Variants in PCDH9 observed in about 807,000 individuals in gnomAD.
PCDH9 encodes the protein protocadherin 9, also known as protocadherin-9.
PCDH9 carries 24 observed loss-of-function variants against 70.6 expected under a neutral mutation model. That is an observed-to-expected ratio of 0.34 (90% CI 0.25 to 0.48). PCDH9 has a LOEUF of 0.48. PCDH9 is among the 20% of genes least tolerant of loss of function. The pLI, the probability that PCDH9 is intolerant of heterozygous loss-of-function variation, is 0.99. For missense variants in PCDH9, 1,281 were observed against 1,503.6 expected (o/e 0.85, Z 2.45); for synonymous variants, 562 against 558.5 (o/e 1.01, Z -0.09).
chr13:67,195,340 T>A (rs2089033447), intron 2 of PCDH9, among the ~76,000 whole-genome samples: 1 of 152,094 alleles, frequency 6.6e-6, no homozygotes, highest in Non-Finnish European at 1.5e-5. Context: ...AAACGGCGTT[T>A]CATCGTGTTA....
rs2079616859 is a variant in PCDH9, at chr13:66,760,896, C to T, written c.3139-129485G>A. Among the ~76,000 whole-genome samples the T allele has an allele frequency of 6.6e-5, 10 of 152,232 alleles. 1 individual carries two copies. In the South Asian group the frequency reaches 1.9e-3, roughly 28 times the overall value. On this transcript the variant is annotated intron_variant, in intron 3 of 4. Transcript: ENST00000377865. ...TGAAATATGCCCTGGTCTCCTTCAGCACCCCCAGGCTTGCTAGGATTGGAA... is the reference window on the plus strand; with the variant it reads ...TGAAATATGCCCTGGTCTCCTTCAGTACCCCCAGGCTTGCTAGGATTGGAA...
intron 2 of PCDH9, among the ~76,000 whole-genome samples, chr13:66,983,088 T>G (rs991512030): frequency 1.3e-5 from 2 of 152,048 alleles, no homozygotes; most frequent in African/African-American, 4.8e-5. Flanking sequence ...TAGTTAGGAA[T>G]CAAATAGAAG....
chr13:66,828,810 A>AAAAAAAAAAAAATAAT (rs71207607), intron 3 of PCDH9, among the ~76,000 whole-genome samples: 11 of 148,666 alleles, frequency 7.4e-5, no homozygotes, highest in African/African-American at 2.7e-4. Context: ...GCCATACATA[A>AAAAAAAAAAAAATAAT]AATAATAATA....
intron 4 of PCDH9, among the ~76,000 whole-genome samples, chr13:66,448,912 CA>C (rs2138422197): frequency 6.6e-6 from 1 of 152,218 alleles, no homozygotes; most frequent in African/African-American, 2.4e-5. Flanking sequence ...GGTGATCATG[CA>C]AACTTAGCCA....
chr13:66,900,359 T>C (rs1172538178), intron 3 of PCDH9, among the ~76,000 whole-genome samples: 1 of 151,826 alleles, frequency 6.6e-6, no homozygotes, highest in Non-Finnish European at 1.5e-5. Flanking sequence ...AATTCTAATA[T>C]TAAAAACCCC....
intron 3 of PCDH9, among the ~76,000 whole-genome samples, chr13:66,686,995 C>G (rs1243861084): frequency 6.6e-6 from 1 of 152,092 alleles, no homozygotes. Flanking sequence ...ATTGTGCCCC[C>G]CAAAAGACAT....
chr13:67,058,352 CCTTAT>C (rs1036605943), intron 2 of PCDH9, among the ~76,000 whole-genome samples: 7 of 152,198 alleles, frequency 4.6e-5, no homozygotes, highest in Middle Eastern at 3.4e-3. Flanking sequence ...ATTGAACACT[CCTTAT>C]CTTATTATAG....
chr13:66,535,089 A>G (rs866734364), intron 4 of PCDH9, among the ~76,000 whole-genome samples: 7 of 152,116 alleles, frequency 4.6e-5, no homozygotes, highest in Admixed American at 2.0e-4. Flanking sequence ...ATAGAAATCA[A>G]GTCAGTGAAC....
At chr13:66,505,881 A>G (rs1432627829) in intron 4 of PCDH9, among the ~76,000 whole-genome samples, 2 of 152,072 alleles carry the variant, frequency 1.3e-5, no homozygotes, top group Non-Finnish European at 2.9e-5. Context: ...TCCTGGGCTC[A>G]AGCAATCCTC....
At chr13:66,415,915 T>TA (rs911066708) in intron 4 of PCDH9, among the ~76,000 whole-genome samples, 7 of 151,858 alleles carry the variant, frequency 4.6e-5, no homozygotes, top group African/African-American at 9.7e-5. Flanking sequence ...TTTTTAAAAA[T>TA]AAAAAAAAGG....
chr13:66,746,198 T>C (rs2079360142), intron 3 of PCDH9, among the ~76,000 whole-genome samples: 1 of 152,186 alleles, frequency 6.6e-6, no homozygotes, highest in South Asian at 2.1e-4. Flanking sequence ...TTTCAGTGCC[T>C]TTTACTTACA....
chr13:66,884,487 T>C (rs2081974113), intron 3 of PCDH9, among the ~76,000 whole-genome samples: 1 of 152,182 alleles, frequency 6.6e-6, no homozygotes, highest in Non-Finnish European at 1.5e-5. Context: ...TGATTTTCTG[T>C]AGACGTATGT....
At chr13:66,533,520 C>T (rs766954278) in intron 4 of PCDH9, among the ~76,000 whole-genome samples, 2 of 151,986 alleles carry the variant, frequency 1.3e-5, no homozygotes, top group Non-Finnish European at 2.9e-5. Context: ...AAATAAAAAT[C>T]ATTGTTCCCT....
At chr13:66,424,367 G>C (rs1413534597) in intron 4 of PCDH9, among the ~76,000 whole-genome samples, 1 of 151,862 alleles carries the variant, frequency 6.6e-6, no homozygotes, top group Non-Finnish European at 1.5e-5. Flanking sequence ...AATTGAGCAA[G>C]CCTACAGGAT....
chr13:67,023,046 C>T (rs896483515), intron 2 of PCDH9, among the ~76,000 whole-genome samples: 4 of 152,212 alleles, frequency 2.6e-5, no homozygotes, highest in Non-Finnish European at 5.9e-5. Flanking sequence ...GCAGTTTTCT[C>T]TTTCAGCTCT....
intron 3 of PCDH9, among the ~76,000 whole-genome samples, chr13:66,781,608 C>T (rs999414082): frequency 6.6e-6 from 1 of 152,130 alleles, no homozygotes; most frequent in African/African-American, 2.4e-5. Context: ...ACACATTAGG[C>T]TTATATGATC....
At chr13:67,006,356 C>T (rs1473995742) in intron 2 of PCDH9, among the ~76,000 whole-genome samples, 2 of 152,028 alleles carry the variant, frequency 1.3e-5, no homozygotes, top group East Asian at 3.9e-4. Flanking sequence ...AATACAAAAC[C>T]GGAATAGAAA....
In PCDH9 at chr13:67,227,088, C is replaced by T. The variant is rs762413710; in HGVS notation, c.1353G>A (p.Gln451=). 1.9e-6 allele frequency: 3 copies of T among 1,614,020 alleles called. No individual in the cohort carries two copies. The highest frequency in any genetic ancestry group is 3.3e-5 in the Admixed American group (2 of 60,006). The change falls in exon 2 of 5, where the codon CAG becomes CAA. Residue 451 remains glutamine, a synonymous_variant. Transcript: ENST00000377865. This position sits in a 1 kb window ranked among gnomAD's most constrained non-coding sequence, Gnocchi z 4.6. ...CAAGCTTAACCCTTACCAGGGCAGT[C>T]TGATTTAAACTGGGCTTCCCAGAAT... ...ASDSGKPSLN[Q]TALVRVKLED... is the part of the protein sequence containing the mutation.
At chr13:66,810,838 CAT>C (rs1054382990) in intron 3 of PCDH9, among the ~76,000 whole-genome samples, 4 of 151,396 alleles carry the variant, frequency 2.6e-5, no homozygotes, top group Non-Finnish European at 4.4e-5. Flanking sequence ...TGTGTGTGTA[CAT>C]ATATATATAA....
Sources: allele counts gnomAD v4.1 joint callset (sites outside exome capture counted in the v4.1 genomes callset), GRCh38; gene constraint gnomAD v4.1.1; non-coding constraint Gnocchi (gnomAD v3.1); transcripts MANE v1.5; gene names NCBI Gene and HGNC (gene_info 2026-07-23, HGNC 2026-07-21).